The following PDILT variants were observed in gnomAD, a reference collection of about 807,000 sequenced individuals.
PDILT encodes the protein protein disulfide-isomerase-like protein of the testis.
In PDILT, 43 loss-of-function variants were observed where a neutral mutation model predicts 53.7. The ratio of observed to expected loss-of-function variants is 0.80; its 90% CI spans 0.63 to 1.03. PDILT has a LOEUF of 1.03. Ranked by LOEUF, PDILT falls within the 50% of genes least tolerant of loss-of-function variation. The probability of loss-of-function intolerance (pLI) is 0.00; values close to 1 mark genes in which losing one functional copy is unlikely to be tolerated. For synonymous variants in PDILT, 282 were observed against 274.2 expected, an observed-to-expected ratio of 1.03 and a Z score of -0.28; for missense variants, 727 against 712.3, an observed-to-expected ratio of 1.02 and a Z score of -0.24.
At chr16:20,369,032 T>G (rs1596582164) in intron 8 of PDILT, among the ~76,000 whole-genome samples, 1 of 152,188 alleles carries the variant, frequency 6.6e-6, no homozygotes, top group Non-Finnish European at 1.5e-5. Context: ...GTCAGCGAAA[T>G]AGACTATGCC....
Position 20,362,814 on chromosome 16 carries a change from C to A in PDILT, c.1238-232G>T, listed in dbSNP as rs530528360. Among the ~76,000 whole-genome samples, 3 of 152,100 alleles carry A rather than the reference C, an allele frequency of 2.0e-5. No individual in the cohort carries two copies. In the South Asian group the frequency reaches 6.2e-4, roughly 32 times the overall value. ...TTTGGCTGGGTGCAGTGGCTCACAC[C>A]TGTAATCCCAGCACTTTGGGAGGCT... On this transcript the variant is annotated intron_variant, in intron 9 of 11. Transcript: ENST00000302451.
intron 2 of PDILT, among the ~76,000 whole-genome samples, chr16:20,398,554 A>G (rs1966690914): frequency 1.3e-5 from 2 of 152,158 alleles, no homozygotes; most frequent in African/African-American, 2.4e-5. Flanking sequence ...TCGCGTGAAC[A>G]CAGGAGGTGG....
chr16:20,400,544 C>G (rs189550331), intron 1 of PDILT, among the ~76,000 whole-genome samples: 191 of 151,342 alleles, frequency 1.3e-3, no homozygotes, highest in African/African-American at 4.5e-3. Flanking sequence ...CAGAATTGCT[C>G]AGGATGGGGT....
chr16:20,395,262 T>C (rs1966648439), intron 2 of PDILT, among the ~76,000 whole-genome samples: 1 of 152,196 alleles, frequency 6.6e-6, no homozygotes, highest in South Asian at 2.1e-4. Context: ...ACTTCTCAGT[T>C]AGAAACATCC....
In PDILT at chr16:20,380,261, G is replaced by T. The variant is rs74410082; in HGVS notation, c.410-4060C>A. On this transcript the variant is annotated intron_variant, in intron 3 of 11. Coordinates refer to ENST00000302451, the MANE Select transcript of PDILT (RefSeq NM_174924.2). ...CCTTCTTCTGCCTGTTCAATTCTCA[G>T]TTGGTTCTTCTTTTCTTTTAGCCAA... is the stretch of plus-strand genomic sequence containing the variant. Among the ~76,000 whole-genome samples the T allele has an allele frequency of 7.5e-3, 1,146 of 152,206 alleles. 22 individuals are homozygous for T. The highest frequency in any genetic ancestry group is 0.027 in the African/African-American group (1,110 of 41,536).
intron 1 of PDILT, among the ~76,000 whole-genome samples, chr16:20,399,749 C>T (rs1363599897): frequency 6.7e-6 from 1 of 148,748 alleles, no homozygotes; most frequent in Non-Finnish European, 1.5e-5. Context: ...CCAGCTCCTG[C>T]TTGAATGCCC....
chr16:20,399,468 A>C (rs1025371812), intron 1 of PDILT, among the ~76,000 whole-genome samples, 161 bp from the exon 2 acceptor site: 2 of 152,182 alleles, frequency 1.3e-5, no homozygotes, highest in Non-Finnish European at 2.9e-5. Flanking sequence ...CTGGAGAAGA[A>C]GCAAAGTATT....
intron 2 of PDILT, among the ~76,000 whole-genome samples, chr16:20,386,711 C>T (rs1039315004): frequency 6.6e-6 from 1 of 152,348 alleles, no homozygotes; most frequent in East Asian, 1.9e-4. Context: ...CTTCGATATC[C>T]CCTGATATCC....
chr16:20,395,566 T>C (rs12921441), intron 2 of PDILT, among the ~76,000 whole-genome samples: 118,585 of 152,092 alleles, frequency 0.78, 47,143 homozygotes, highest in Non-Finnish European at 0.86. Context: ...CCACCTCACA[T>C]AGTGTGTGAG....
chr16:20,372,699 C>T (rs1287254051), intron 7 of PDILT, 103 bp downstream of exon 7: 1 of 1,370,478 alleles, frequency 7.3e-7, no homozygotes, highest in Non-Finnish European at 9.9e-7. Context: ...CCAATCTTTC[C>T]TGATTCAATT....
chr16:20,403,853 G>A (rs556895789), intron 1 of PDILT, among the ~76,000 whole-genome samples: 2 of 151,926 alleles, frequency 1.3e-5, no homozygotes, highest in Non-Finnish European at 2.9e-5. Context: ...CCTACCCGGG[G>A]CCTTTGCCTC....
At chr16:20,400,228 C>A (rs897954560) in intron 1 of PDILT, among the ~76,000 whole-genome samples, 1 of 152,060 alleles carries the variant, frequency 6.6e-6, no homozygotes, top group Admixed American at 6.6e-5. Context: ...ATGCCCACCA[C>A]CACACCTGGC....
rs537414446 is a variant in PDILT, at chr16:20,360,632, G to C, written c.1442C>G (p.Thr481Ser). The part of the protein sequence containing the change: ...QQAVLYKGEH[T>S]LKGFSDFLES... ...CAGGAAGTCAGAGAAGCCCTTCAGG[G>C]TGTGTTCTCCCTTATACAGGACAGC... is the stretch of plus-strand genomic sequence containing the variant. Residue 481 changes from threonine (T) to serine (S), a missense_variant, in exon 11 of 12, where the codon ACC (threonine) becomes AGC (serine). Transcript: ENST00000302451. 7 of 1,613,846 alleles carry C rather than the reference G, an allele frequency of 4.3e-6. No homozygotes were observed. Among genetic ancestry groups the C allele is most frequent in the Non-Finnish European group, 5.9e-6 (7 of 1,179,870 alleles).
At chr16:20,365,296 A>C (rs1378423119) in intron 9 of PDILT, 124 bp downstream of exon 9, 1 of 1,081,412 alleles carries the variant, frequency 9.2e-7, no homozygotes, top group Non-Finnish European at 1.4e-6. Flanking sequence ...TGGGTATCTG[A>C]AGACCATCCT....
At chr16:20,366,115 A>G (rs549294801) in intron 8 of PDILT, among the ~76,000 whole-genome samples, 172 of 150,536 alleles carry the variant, frequency 1.1e-3, no homozygotes, top group African/African-American at 3.9e-3. Context: ...AAAAAAAATT[A>G]GTTGTCCTCA....
rs766910703 is a variant in PDILT at position 20,384,672 on chromosome 16, T to G, written c.382A>C (p.Asn128His). The G allele has an allele frequency of 9.3e-6, 15 of 1,614,208 alleles. No individual in the cohort carries two copies. The highest frequency in any genetic ancestry group is 1.7e-4 in the Middle Eastern group (1 of 6,060). ...TTGCAGCTGATGGGCTCTGACCTGT[T>G]GCCCTCAAAAAACAGCTTCAACTCC... ...APELKLFFEG[N>H]RSEPISCKGV... is the part of the protein sequence containing the mutation. Residue 128 changes from asparagine (N) to histidine (H), a missense_variant, in exon 3 of 12, where the codon AAC becomes CAC. Asn to His is a moderately conservative substitution (Grantham distance 68, BLOSUM62 1). Coordinates refer to ENST00000302451, the MANE Select transcript of PDILT (RefSeq NM_174924.2).
chr16:20,364,010 A>G (rs1567318896), intron 9 of PDILT, among the ~76,000 whole-genome samples: 1 of 152,006 alleles, frequency 6.6e-6, no homozygotes, highest in Admixed American at 6.6e-5. Flanking sequence ...GGATGATCAT[A>G]CCCCATTTAC....
chr16:20,369,010 C>T (rs1252841849), intron 8 of PDILT, among the ~76,000 whole-genome samples: 1 of 152,184 alleles, frequency 6.6e-6, no homozygotes, highest in Admixed American at 6.5e-5. Context: ...GTTTCTGCAG[C>T]CTCTCCTTCC....
At chr16:20,365,675 A>G (rs1966180920) in intron 8 of PDILT, 135 bp from the exon 9 acceptor site, 1 of 1,123,282 alleles carries the variant, frequency 8.9e-7, no homozygotes, top group Non-Finnish European at 1.3e-6. Context: ...GGTTTGAAAT[A>G]CTGAGATGGA....
Sources: gnomAD v4.1 joint callset for allele counts (sites outside exome capture counted in the v4.1 genomes callset) on GRCh38, gnomAD v4.1.1 for gene constraint, MANE v1.5 for transcripts, NCBI Gene and HGNC (gene_info 2026-07-23, HGNC 2026-07-21) for gene names.